Variants in CRY1 observed in about 807,000 individuals in gnomAD.
CRY1 encodes cryptochrome circadian regulator 1, also known as cryptochrome-1.
Under a neutral mutation model 76.0 loss-of-function variants are expected in CRY1, and 45 were observed. That is an observed-to-expected ratio of 0.59 (90% CI 0.47 to 0.76). The LOEUF is 0.76. Ranked by LOEUF, CRY1 falls within the 30% of genes least tolerant of loss-of-function variation. The pLI, the probability that CRY1 is intolerant of heterozygous loss-of-function variation, is 0.00. For synonymous variants in CRY1, 248 were observed against 244.0 expected (o/e 1.02, Z -0.15); for missense variants, 587 against 716.4 (o/e 0.82, Z 2.06).
chr12:106,994,963 C>T (rs959682277), intron 10 of CRY1, among the ~76,000 whole-genome samples: 3 of 152,212 alleles, frequency 2.0e-5, no homozygotes, highest in Non-Finnish European at 4.4e-5. Context: ...TGGCAACTGT[C>T]GACTGCTGGG....
At chr12:107,066,699 C>T (rs1404749788) in intron 1 of CRY1, among the ~76,000 whole-genome samples, 1 of 152,130 alleles carries the variant, frequency 6.6e-6, no homozygotes, top group Non-Finnish European at 1.5e-5. Context: ...CTCCTGAGCT[C>T]AACATCCACC....
intron 9 of CRY1, 26 bp downstream of exon 9, chr12:106,997,462 A>C (rs1236069388): frequency 1.2e-6 from 2 of 1,613,206 alleles, no homozygotes. Flanking sequence ...CAGCTGCCAA[A>C]GAAACAAAGA....
At chr12:107,057,124 C>T (rs192414137) in intron 1 of CRY1, among the ~76,000 whole-genome samples, 234 of 151,980 alleles carry the variant, frequency 1.5e-3, no homozygotes, top group African/African-American at 5.1e-3. Flanking sequence ...CATTAGATGC[C>T]TCCTAAGTAC....
chr12:107,086,147 C>CA (rs1160947884), intron 1 of CRY1, among the ~76,000 whole-genome samples: 2 of 151,464 alleles, frequency 1.3e-5, no homozygotes, highest in African/African-American at 4.9e-5. Context: ...AGCTACCTGG[C>CA]AAAAAAAAGT....
intron 1 of CRY1, among the ~76,000 whole-genome samples, chr12:107,024,892 T>C (rs986100975): frequency 4.6e-5 from 7 of 151,812 alleles, no homozygotes; most frequent in South Asian, 2.1e-4. Context: ...ATTTAAAAAA[T>C]AGAAACACTT....
chr12:107,000,712 C>T (rs922808650), intron 5 of CRY1, among the ~76,000 whole-genome samples: 21 of 152,104 alleles, frequency 1.4e-4, no homozygotes, highest in African/African-American at 3.6e-4. Context: ...TACAGTGGTA[C>T]GATCTTGGCT....
At chr12:107,004,082 GGT>G (rs1952343456) in intron 3 of CRY1, among the ~76,000 whole-genome samples, 1 of 152,144 alleles carries the variant, frequency 6.6e-6, no homozygotes, top group Admixed American at 6.5e-5. Context: ...TGGGATTACA[GGT>G]GTGAGCCATC....
At chr12:107,064,775 T>C (rs1953091028) in intron 1 of CRY1, among the ~76,000 whole-genome samples, 1 of 152,138 alleles carries the variant, frequency 6.6e-6, no homozygotes, top group Non-Finnish European at 1.5e-5. Context: ...AAAACCAATC[T>C]AACTTAATTA....
At chr12:106,999,420 G>T in intron 7 of CRY1, 131 bp downstream of exon 7, 1 of 789,962 alleles carries the variant, frequency 1.3e-6, no homozygotes, top group Non-Finnish European at 1.9e-6. Flanking sequence ...CCGTATTTGG[G>T]GAATTAAATG....
chr12:107,050,571 A>T (rs1952906548), intron 1 of CRY1, among the ~76,000 whole-genome samples: 1 of 152,126 alleles, frequency 6.6e-6, no homozygotes, highest in South Asian at 2.1e-4. Flanking sequence ...CACAATTGTA[A>T]GTTTCCTGAG....
intron 1 of CRY1, among the ~76,000 whole-genome samples, chr12:107,074,192 A>G (rs1264492575): frequency 6.6e-6 from 1 of 152,192 alleles, no homozygotes; most frequent in Non-Finnish European, 1.5e-5. Context: ...ATTAACACTA[A>G]GCCAGACAAT....
chr12:107,091,127 T>C (rs1360079552), intron 1 of CRY1, among the ~76,000 whole-genome samples: 2 of 151,868 alleles, frequency 1.3e-5, no homozygotes, highest in African/African-American at 4.8e-5. Context: ...GCAACCTCCG[T>C]CTCCTAGGTT....
chr12:107,067,784 T>G (rs1953130278), intron 1 of CRY1, among the ~76,000 whole-genome samples: 1 of 152,100 alleles, frequency 6.6e-6, no homozygotes, highest in Non-Finnish European at 1.5e-5. Context: ...GTGACAAGGC[T>G]GGAATCTTGA....
intron 1 of CRY1, among the ~76,000 whole-genome samples, chr12:107,039,554 A>G (rs983763842): frequency 6.6e-6 from 1 of 152,246 alleles, no homozygotes; most frequent in Non-Finnish European, 1.5e-5. Flanking sequence ...AATGGCCAAC[A>G]GGTATATGAA....
chr12:107,081,986 C>T (rs938769312), intron 1 of CRY1, among the ~76,000 whole-genome samples: 3 of 151,746 alleles, frequency 2.0e-5, no homozygotes, highest in African/African-American at 7.3e-5. Context: ...TGGGGTGTTG[C>T]TATAAAGATA....
Position 106,997,332 on chromosome 12 carries a change from TA to T in CRY1, c.1546del (p.Tyr516IlefsTer35). 1 of 1,614,076 alleles carries T rather than the reference TA, an allele frequency of 6.2e-7. No homozygotes were observed. The highest frequency in any genetic ancestry group is 8.5e-7 in the Non-Finnish European group (1 of 1,179,950). On this transcript the variant is annotated frameshift_variant, in exon 10 of 13. Transcript: ENST00000008527. LOFTEE classifies it high-confidence loss of function. The part of the protein sequence containing the change: ...NPNGNGGFMG[Y>X]SAENIPGCSS... ...ACAACCTGGGATATTTTCTGCAGAA[TA>T]TCCCATGAAGCCTCCATTCCCATTA...
intron 2 of CRY1, among the ~76,000 whole-genome samples, chr12:107,014,160 G>A (rs1952473673): frequency 2.0e-5 from 3 of 152,202 alleles, no homozygotes; most frequent in Non-Finnish European, 2.9e-5. Context: ...ATTTACCGGA[G>A]GGCAATGACC....
In CRY1 at chr12:107,091,063, G is replaced by A. The variant is rs544168966; in HGVS notation, c.158+1741C>T. 2.7e-5 allele frequency among the ~76,000 whole-genome samples: 4 copies of A among 147,752 alleles called. No homozygotes were observed. In the East Asian group the frequency reaches 5.9e-4, roughly 22 times the overall value. Reference sequence around the variant, plus strand: ...ATAAGTCCTTTTTTTTTTTTCTTGCGACAGAGTACTCTGTCACTCAGGCTG... The same window carrying A: ...ATAAGTCCTTTTTTTTTTTTCTTGCAACAGAGTACTCTGTCACTCAGGCTG... On this transcript the variant is annotated intron_variant, in intron 1 of 12. Transcript: ENST00000008527.
chr12:107,045,374 G>A (rs749430779), intron 1 of CRY1, among the ~76,000 whole-genome samples: 1 of 152,146 alleles, frequency 6.6e-6, no homozygotes, highest in Non-Finnish European at 1.5e-5. Context: ...AAATTCTCAA[G>A]GGCAGCCGGG....
Sources: allele counts gnomAD v4.1 joint callset (sites outside exome capture counted in the v4.1 genomes callset), GRCh38; gene constraint gnomAD v4.1.1; transcripts MANE v1.5; gene names NCBI Gene and HGNC (gene_info 2026-07-23, HGNC 2026-07-21).